STRN3: variants seen among roughly 807,000 people sequenced by gnomAD.
The protein encoded by STRN3 is striatin-3.
STRN3 carries 29 observed loss-of-function variants against 95.6 expected under a neutral mutation model. That is an observed-to-expected ratio of 0.30 (90% CI 0.23 to 0.41). The LOEUF (loss-of-function observed/expected upper bound fraction) is 0.41. Ranked by LOEUF, STRN3 falls within the 10% of genes least tolerant of loss-of-function variation. The pLI is 1.00. For missense variants in STRN3, 890 were observed against 972.1 expected, an observed-to-expected ratio of 0.92 and a Z score of 1.12; for synonymous variants, 331 against 357.6, an observed-to-expected ratio of 0.93 and a Z score of 0.84.
chr14:30,944,942 A>G (rs1317452953), intron 5 of STRN3, among the ~76,000 whole-genome samples: 3 of 152,126 alleles, frequency 2.0e-5, no homozygotes, highest in Non-Finnish European at 4.4e-5. Context: ...TAACTGCACA[A>G]TATCATAAAA....
At chr14:30,963,952 A>G (rs768405232) in intron 1 of STRN3, among the ~76,000 whole-genome samples, 1 of 152,218 alleles carries the variant, frequency 6.6e-6, no homozygotes, top group Non-Finnish European at 1.5e-5. Flanking sequence ...AAATGCTTAC[A>G]TTAAAAAACA....
intron 1 of STRN3, among the ~76,000 whole-genome samples, chr14:30,959,327 G>GA (rs1380017354): frequency 6.6e-6 from 1 of 151,728 alleles, no homozygotes. Flanking sequence ...TGAATGAAAA[G>GA]AAAAAAACAA....
intron 3 of STRN3, among the ~76,000 whole-genome samples, chr14:30,953,226 G>A (rs61976777): frequency 0.046 from 7,045 of 152,006 alleles, 205 homozygotes; most frequent in East Asian, 0.081. Context: ...TTTTGAACAC[G>A]CCCATGTAAC....
chr14:30,904,747 A>G (rs1448864959), intron 15 of STRN3, among the ~76,000 whole-genome samples: 2 of 152,190 alleles, frequency 1.3e-5, no homozygotes, highest in Non-Finnish European at 2.9e-5. Context: ...AAAAGCTTAC[A>G]AATTACTTAT....
At chr14:30,992,825 G>A (rs547007923) in intron 1 of STRN3, among the ~76,000 whole-genome samples, 5 of 152,104 alleles carry the variant, frequency 3.3e-5, no homozygotes, top group Admixed American at 2.6e-4. Flanking sequence ...AGCAGCCTGG[G>A]CAACAGCCAG....
intron 14 of STRN3, among the ~76,000 whole-genome samples, chr14:30,905,961 CA>C (rs1896450724): frequency 6.6e-6 from 1 of 152,184 alleles, no homozygotes; most frequent in South Asian, 2.1e-4. Context: ...GTTCACCTAT[CA>C]GAGATCTGTA....
chr14:30,919,143 G>T, intron 8 of STRN3, 37 bp from the exon 9 acceptor site: 2 of 1,547,062 alleles, frequency 1.3e-6, no homozygotes, highest in South Asian at 1.2e-5. Flanking sequence ...TTCATTTAAT[G>T]GCTACCGCTT....
intron 7 of STRN3, among the ~76,000 whole-genome samples, chr14:30,932,754 T>A (rs992055809): frequency 6.6e-6 from 1 of 152,206 alleles, no homozygotes; most frequent in Non-Finnish European, 1.5e-5. Flanking sequence ...ATAATGCCAT[T>A]CCATATAAAT....
At chr14:30,901,031 T>C (rs1896299877) in intron 16 of STRN3, among the ~76,000 whole-genome samples, 1 of 152,190 alleles carries the variant, frequency 6.6e-6, no homozygotes, top group Non-Finnish European at 1.5e-5. Flanking sequence ...CAATAATTAA[T>C]AAACAGGAAT....
chr14:30,971,036 G>C lies in STRN3; in HGVS notation c.283-14794C>G, dbSNP rs555192463. 2.0e-4 allele frequency among the ~76,000 whole-genome samples: 31 copies of C among 152,354 alleles called. No individual in the cohort carries two copies. The East Asian group carries it at 6.0e-3, about 29-fold the overall frequency. The stretch of plus-strand genomic sequence containing the variant: ...CGGGTCAGCCCCCGAGGGCCATCCA[G>C]CCTCCATCTCCCAACACTAAGTTCA... On this transcript the variant is annotated intron_variant, in intron 1 of 17. Coordinates refer to ENST00000357479, the MANE Select transcript of STRN3 (RefSeq NM_001083893.2).
At chr14:30,924,374 G>A (rs1365299025) in intron 8 of STRN3, among the ~76,000 whole-genome samples, 3 of 131,066 alleles carry the variant, frequency 2.3e-5, no homozygotes, top group Non-Finnish European at 4.7e-5. Context: ...TGCAACCTCC[G>A]TCTCCTGGGT....
At chr14:31,017,647 G>A (rs1330369466) in intron 1 of STRN3, among the ~76,000 whole-genome samples, 1 of 152,180 alleles carries the variant, frequency 6.6e-6, no homozygotes, top group Non-Finnish European at 1.5e-5. Flanking sequence ...AGGATACCAT[G>A]GGAAGGTATA....
chr14:31,001,879 A>G (rs1040618268), intron 1 of STRN3, among the ~76,000 whole-genome samples: 1 of 151,412 alleles, frequency 6.6e-6, no homozygotes, highest in African/African-American at 2.4e-5. Context: ...AAAACACAAA[A>G]ATCAGGCCAG....
intron 1 of STRN3, among the ~76,000 whole-genome samples, chr14:30,965,033 A>C (rs142726788): frequency 1.1e-3 from 164 of 152,258 alleles, no homozygotes; most frequent in Non-Finnish European, 2.0e-3. Context: ...AAGTGTTCAC[A>C]CAGAAAACAT....
chr14:30,908,373 A>AT (rs1429505211), intron 13 of STRN3, among the ~76,000 whole-genome samples: 5 of 152,036 alleles, frequency 3.3e-5, no homozygotes, highest in African/African-American at 1.2e-4. Context: ...GCTAATGATG[A>AT]TCCCTACACT....
At chr14:30,998,121 G>A (rs974084231) in intron 1 of STRN3, among the ~76,000 whole-genome samples, 3 of 152,102 alleles carry the variant, frequency 2.0e-5, no homozygotes, top group African/African-American at 7.2e-5. Flanking sequence ...GAACAGCGTT[G>A]GAGCCCCTTC....
At chr14:30,948,583 T>C (rs1879482138) in intron 4 of STRN3, among the ~76,000 whole-genome samples, 2 of 152,204 alleles carry the variant, frequency 1.3e-5, no homozygotes. Flanking sequence ...ATGTCAAATT[T>C]TTCCAAGACA....
chr14:31,004,550 G>T (rs1882628691), intron 1 of STRN3, among the ~76,000 whole-genome samples: 1 of 152,056 alleles, frequency 6.6e-6, no homozygotes, highest in African/African-American at 2.4e-5. Context: ...GAGGCGGGTG[G>T]ATCACCTGAG....
At chr14:30,927,102 GA>G (rs1878218155) in intron 8 of STRN3, among the ~76,000 whole-genome samples, 1 of 151,910 alleles carries the variant, frequency 6.6e-6, no homozygotes, top group Non-Finnish European at 1.5e-5. Flanking sequence ...CCAAGAGTTC[GA>G]GACCAGCTTG....
Sources: gnomAD v4.1 joint callset for allele counts (sites outside exome capture counted in the v4.1 genomes callset) on GRCh38, gnomAD v4.1.1 for gene constraint, MANE v1.5 for transcripts, NCBI Gene and HGNC (gene_info 2026-07-23, HGNC 2026-07-21) for gene names.